The following GYPB variants were observed in gnomAD, a reference collection of about 807,000 sequenced individuals.
GYPB encodes the protein glycophorin B (MNS blood group), also known as glycophorin-B.
GYPB carries 13 observed loss-of-function variants against 15.3 expected under a neutral mutation model. The ratio of observed to expected loss-of-function variants is 0.85; its 90% CI spans 0.55 to 1.35. GYPB has a LOEUF of 1.35. GYPB is among the 40% of genes most tolerant of loss of function. GYPB has a pLI of 0.00. For synonymous variants in GYPB, 38 were observed against 36.9 expected, an observed-to-expected ratio of 1.03 and a Z score of -0.11; for missense variants, 131 against 108.3, an observed-to-expected ratio of 1.21 and a Z score of -0.93.
At chr4:144,018,195 A>G (rs1203281344) in intron 1 of GYPB, among the ~76,000 whole-genome samples, 2 of 151,438 alleles carry the variant, frequency 1.3e-5, no homozygotes, top group African/African-American at 4.9e-5. Flanking sequence ...AAGTACCAAC[A>G]TTGCCTGCAT....
At chr4:144,015,173 GATTAT>G (rs1280473457) in intron 1 of GYPB, among the ~76,000 whole-genome samples, 1 of 151,336 alleles carries the variant, frequency 6.6e-6, no homozygotes, top group Non-Finnish European at 1.5e-5. Flanking sequence ...AACTTGTCCT[GATTAT>G]ATTATATGGT....
At chr4:143,997,242 T>A (rs1362194002) in intron 4 of GYPB, 2 of 248,590 alleles carry the variant, frequency 8.0e-6, no homozygotes, top group East Asian at 9.8e-5. Context: ...ATAAGAAGAA[T>A]CTTAATATTT....
chr4:144,016,379 C>T lies in GYPB; in HGVS notation c.37+2872G>A, dbSNP rs1433387444. Among the ~76,000 whole-genome samples the T allele has an allele frequency of 2.7e-5, 4 of 149,680 alleles. 2 individuals carry two copies. The highest frequency in any genetic ancestry group is 1.0e-4 in the African/African-American group (4 of 39,512). On this transcript the variant is annotated intron_variant, in intron 1 of 4. Transcript: ENST00000502664. ...CTTCTCCCTTCTTGCCTCCCTCTCTCTCTCCCTCCTCTCTTCTTTCCTTCC... is the reference window on the plus strand; with the variant it reads ...CTTCTCCCTTCTTGCCTCCCTCTCTTTCTCCCTCCTCTCTTCTTTCCTTCC...
chr4:144,015,103 T>G (rs151338511), intron 1 of GYPB, among the ~76,000 whole-genome samples: 2,069 of 151,506 alleles, frequency 0.014, 160 homozygotes, highest in African/African-American at 0.048. Context: ...GTACAAAAAT[T>G]AAAGACTTCT....
chr4:144,016,679 C>G, intron 1 of GYPB: 1 of 340,008 alleles, frequency 2.9e-6, no homozygotes, highest in Non-Finnish European at 5.8e-6. Flanking sequence ...TTTGGAGACT[C>G]CTGGTTTATG....
At chr4:144,000,400 G>T in intron 2 of GYPB, 1 of 1,086,912 alleles carries the variant, frequency 9.2e-7, no homozygotes, top group South Asian at 1.6e-5. Flanking sequence ...CTTTTCTGGA[G>T]GGGAAACAGT....
In GYPB at chr4:143,996,133, TAGA is replaced by T. The variant is rs1727295837; in HGVS notation, c.*163_*165del. ...GTTTGTATTTTGTTTTATTTTTATT[TAGA>T]AGTAGAGAATACAGTAATAGTGAGG... On this transcript the variant is annotated 3_prime_UTR_variant, in exon 5 of 5. Transcript: ENST00000502664. 6.9e-7 allele frequency: 1 copy of T among 1,440,642 alleles called. No homozygotes were observed. The highest frequency in any genetic ancestry group is 2.7e-5 in the Admixed American group (1 of 36,764). The allele number at this position is 1,440,642 out of a possible 1,614,324, so 89.2% of individuals were successfully genotyped here. A position where few individuals can be genotyped will look rare whatever the true frequency, so the allele number is the denominator to read the frequency against.
intron 1 of GYPB, among the ~76,000 whole-genome samples, chr4:144,005,684 A>G (rs1485836742): frequency 6.6e-6 from 1 of 151,748 alleles, no homozygotes; most frequent in Non-Finnish European, 1.5e-5. Flanking sequence ...AGTGAAGTAT[A>G]TTTACCTTGT....
At chr4:144,017,283 G>C (rs911151447) in intron 1 of GYPB, among the ~76,000 whole-genome samples, 1 of 149,698 alleles carries the variant, frequency 6.7e-6, no homozygotes, top group Non-Finnish European at 1.5e-5. Flanking sequence ...TAGAAATATC[G>C]GCTTTATTCT....
At chr4:144,002,937 C>T (rs758649845) in intron 1 of GYPB, among the ~76,000 whole-genome samples, 10 of 151,026 alleles carry the variant, frequency 6.6e-5, no homozygotes, top group Non-Finnish European at 1.0e-4. Context: ...TGTTTATAAA[C>T]GATTGCCATA....
intron 2 of GYPB, 57 bp downstream of exon 2, chr4:144,001,128 G>A (rs1172171961): frequency 1.8e-5 from 29 of 1,611,942 alleles, no homozygotes; most frequent in Middle Eastern, 1.6e-4. Context: ...CTAAAATAGG[G>A]TTGCATCACA....
At chr4:143,996,329 C>T (rs921053180) in intron 4 of GYPB, 25 bp from the exon 5 acceptor site, 2 of 1,550,394 alleles carry the variant, frequency 1.3e-6, no homozygotes, top group Admixed American at 2.0e-5. Flanking sequence ...CAAGAAGTTT[C>T]CACTTCAGCC....
chr4:144,018,130 G>A (rs1912746), intron 1 of GYPB, among the ~76,000 whole-genome samples: 146,850 of 151,262 alleles, frequency 0.97, 71,687 homozygotes, highest in East Asian at 1. Context: ...TTCTGGCATC[G>A]CTAAGTGTAT....
chr4:144,014,402 A>G (rs557474470), intron 1 of GYPB, among the ~76,000 whole-genome samples: 1 of 151,940 alleles, frequency 6.6e-6, no homozygotes, highest in African/African-American at 2.4e-5. Context: ...ATTTTCATCA[A>G]ATGATGGATG....
intron 1 of GYPB, among the ~76,000 whole-genome samples, chr4:144,015,854 G>A (rs1357823579): frequency 5.3e-5 from 8 of 150,992 alleles, no homozygotes; most frequent in South Asian, 2.1e-4. Flanking sequence ...CCATCTACTC[G>A]GTGCTTGATT....
chr4:143,999,281 T>A (rs1325632790), intron 3 of GYPB, 130 bp downstream of exon 3: 2 of 604,922 alleles, frequency 3.3e-6, no homozygotes, highest in Non-Finnish European at 5.9e-6. Flanking sequence ...GTCTTTACAA[T>A]TTCGTGTGAA....
At chr4:144,008,878 A>G (rs1415325120) in intron 1 of GYPB, among the ~76,000 whole-genome samples, 2 of 151,480 alleles carry the variant, frequency 1.3e-5, no homozygotes, top group South Asian at 4.1e-4. Flanking sequence ...AGCAGTGAGA[A>G]CAACTGCTCC....
chr4:144,000,521 G>A (rs1727570871), intron 2 of GYPB: 1 of 486,748 alleles, frequency 2.1e-6, no homozygotes, highest in Non-Finnish European at 3.6e-6. Flanking sequence ...TGAGGTGACT[G>A]CGTGGACATA....
intron 1 of GYPB, chr4:144,002,721 C>T (rs1353928909): frequency 7.8e-7 from 1 of 1,283,518 alleles, no homozygotes; most frequent in East Asian, 5.6e-5. Context: ...TAACAGAAAA[C>T]ATCTTCTCTG....
Sources: allele counts gnomAD v4.1 joint callset (sites outside exome capture counted in the v4.1 genomes callset), GRCh38; gene constraint gnomAD v4.1.1; transcripts MANE v1.5; gene names NCBI Gene and HGNC (gene_info 2026-07-23, HGNC 2026-07-21).